TAFA4: variants seen among roughly 807,000 people sequenced by gnomAD.
TAFA4 encodes TAFA chemokine like family member 4, also known as chemokine-like protein TAFA-4.
A neutral mutation model predicts 21.1 loss-of-function variants in TAFA4; 20 were observed. The observed-to-expected ratio is 0.95, with a 90% CI of 0.67 to 1.38. The LOEUF (loss-of-function observed/expected upper bound fraction) is 1.38, where lower values mean the gene tolerates loss of function less well. TAFA4 is among the 40% of genes most tolerant of loss of function. The pLI, the probability that TAFA4 is intolerant of heterozygous loss-of-function variation, is 0.00. For missense variants in TAFA4, 211 were observed against 180.9 expected (o/e 1.17, Z -0.95); for synonymous variants, 71 against 67.4 (o/e 1.05, Z -0.26).
At chr3:68,893,486 T>G (rs1484553801) in intron 1 of TAFA4, among the ~76,000 whole-genome samples, 1 of 152,194 alleles carries the variant, frequency 6.6e-6, no homozygotes, top group African/African-American at 2.4e-5. Flanking sequence ...AAGCCCCCAG[T>G]TTCACTCCCA....
At chr3:68,852,442 A>C (rs1173014722) in intron 3 of TAFA4, among the ~76,000 whole-genome samples, 1 of 152,156 alleles carries the variant, frequency 6.6e-6, no homozygotes, top group Non-Finnish European at 1.5e-5. Context: ...ATAAAAGTCC[A>C]CCAAATTCCA....
rs539749253 is a variant in TAFA4 at position 68,885,223 on chromosome 3, G to A, written c.-35C>T. 5.6e-6 allele frequency: 9 copies of A among 1,606,494 alleles called. No individual in the cohort carries two copies. The African/African-American group carries it at 1.2e-4, about 22-fold the overall frequency. ...TTCTAGTCAAACACACTTATTCCAGGATATATTTCAGAGTGACTCCAAATT... is the reference window on the plus strand; with the variant it reads ...TTCTAGTCAAACACACTTATTCCAGAATATATTTCAGAGTGACTCCAAATT... On this transcript the variant is annotated 5_prime_UTR_variant, in exon 2 of 6. Transcript: ENST00000295569.
At chr3:68,868,719 A>C (rs115507319) in intron 3 of TAFA4, among the ~76,000 whole-genome samples, 3,102 of 152,054 alleles carry the variant, frequency 0.02, 111 homozygotes, top group African/African-American at 0.071. Context: ...CAAACATCCC[A>C]AAATCTATGG....
At chr3:68,909,601 T>C (rs1575668920) in intron 1 of TAFA4, among the ~76,000 whole-genome samples, 1 of 152,310 alleles carries the variant, frequency 6.6e-6, no homozygotes, top group East Asian at 1.9e-4. Flanking sequence ...AGGGATACTA[T>C]GGAAGATCCA....
chr3:68,804,565 A>G (rs560949787), intron 3 of TAFA4, among the ~76,000 whole-genome samples: 10 of 152,232 alleles, frequency 6.6e-5, no homozygotes, highest in Non-Finnish European at 1.2e-4. Context: ...CTACAAGGCT[A>G]TAGTAACCAA....
At chr3:68,921,479 G>C (rs1185899515) in intron 1 of TAFA4, among the ~76,000 whole-genome samples, 3 of 152,178 alleles carry the variant, frequency 2.0e-5, no homozygotes, top group Middle Eastern at 3.4e-3. Flanking sequence ...TCCACTGAAG[G>C]CTTTTCATTT....
At position 68,897,148 on chromosome 3, in the gene TAFA4, C is replaced by T. The variant is rs555029720; in HGVS notation, c.-122-11838G>A. Among the ~76,000 whole-genome samples, 330 of 151,976 alleles carry T rather than the reference C, an allele frequency of 2.2e-3. 6 individuals carry two copies. In the South Asian group the frequency reaches 0.028, roughly 13 times the overall value. On this transcript the variant is annotated intron_variant, in intron 1 of 5. Transcript: ENST00000295569. ...AACTCATGACCTCAAGTGATCCGCCCGCCTCGACCTCCCAAAGTGCTGGGA... is the reference window on the plus strand; with the variant it reads ...AACTCATGACCTCAAGTGATCCGCCTGCCTCGACCTCCCAAAGTGCTGGGA...
intron 1 of TAFA4, among the ~76,000 whole-genome samples, chr3:68,912,792 G>A (rs1157468086): frequency 6.6e-6 from 1 of 152,184 alleles, no homozygotes; most frequent in Non-Finnish European, 1.5e-5. Context: ...CCTCTCTGGG[G>A]CTTCAGAAAA....
chr3:68,833,230 T>G (rs1704442538), intron 3 of TAFA4, among the ~76,000 whole-genome samples: 1 of 152,152 alleles, frequency 6.6e-6, no homozygotes, highest in South Asian at 2.1e-4. Flanking sequence ...CCAGTCCCAC[T>G]GATACCTCAG....
At chr3:68,741,835 C>CTT (rs1702361509) in intron 4 of TAFA4, among the ~76,000 whole-genome samples, 1 of 152,058 alleles carries the variant, frequency 6.6e-6, no homozygotes, top group African/African-American at 2.4e-5. Context: ...ACTTTCTCTT[C>CTT]CAAAGAATCG....
At chr3:68,773,237 T>C (rs1702990641) in intron 3 of TAFA4, among the ~76,000 whole-genome samples, 1 of 152,150 alleles carries the variant, frequency 6.6e-6, no homozygotes, top group African/African-American at 2.4e-5. Context: ...CTTTGATAAT[T>C]CACTAGAATG....
chr3:68,885,352 A>C (rs1022451254), intron 1 of TAFA4, 42 bp from the exon 2 acceptor site: 6 of 595,458 alleles, frequency 1.0e-5, no homozygotes, highest in African/African-American at 9.4e-5. Context: ...ATCAATTAGC[A>C]TTTTAATGTT....
At chr3:68,749,758 T>C (rs1485653055) in intron 4 of TAFA4, among the ~76,000 whole-genome samples, 1 of 152,190 alleles carries the variant, frequency 6.6e-6, no homozygotes, top group Non-Finnish European at 1.5e-5. Flanking sequence ...CCACAAATGT[T>C]ACACTCAAGT....
chr3:68,922,894 T>C (rs111982626), intron 1 of TAFA4, among the ~76,000 whole-genome samples: 1,689 of 152,280 alleles, frequency 0.011, 31 homozygotes, highest in African/African-American at 0.039. Flanking sequence ...TGGTGCTCCA[T>C]TGTAAAAGGA....
At chr3:68,866,989 G>A (rs943721860) in intron 3 of TAFA4, among the ~76,000 whole-genome samples, 1 of 152,034 alleles carries the variant, frequency 6.6e-6, no homozygotes, top group African/African-American at 2.4e-5. Flanking sequence ...TTGAGAAAGA[G>A]CAAGGGGTAG....
chr3:68,780,101 C>A (rs945440490), intron 3 of TAFA4, among the ~76,000 whole-genome samples: 2 of 152,194 alleles, frequency 1.3e-5, no homozygotes, highest in African/African-American at 4.8e-5. Flanking sequence ...TTAGGACTTG[C>A]ATGGGGCATG....
chr3:68,748,468 T>C (rs1328067838), intron 4 of TAFA4, among the ~76,000 whole-genome samples: 2 of 151,946 alleles, frequency 1.3e-5, no homozygotes, highest in Non-Finnish European at 1.5e-5. Flanking sequence ...GTGGGCCGGG[T>C]GCGGTGGCTC....
At chr3:68,734,381 A>T (rs1202216108) in intron 5 of TAFA4, among the ~76,000 whole-genome samples, 2 of 152,076 alleles carry the variant, frequency 1.3e-5, no homozygotes, top group Non-Finnish European at 2.9e-5. Flanking sequence ...GCAATGGAGA[A>T]AAGTAAGGTA....
intron 3 of TAFA4, among the ~76,000 whole-genome samples, chr3:68,791,825 G>C (rs1703366301): frequency 6.6e-6 from 1 of 152,206 alleles, no homozygotes; most frequent in Non-Finnish European, 1.5e-5. Context: ...TTCAGCTCTA[G>C]ATATGTGAAA....
Sources: allele counts gnomAD v4.1 joint callset (sites outside exome capture counted in the v4.1 genomes callset), GRCh38; gene constraint gnomAD v4.1.1; transcripts MANE v1.5; gene names NCBI Gene and HGNC (gene_info 2026-07-23, HGNC 2026-07-21).